CGAS: variants seen among roughly 807,000 people sequenced by gnomAD.
The protein encoded by CGAS is 2'3'-cGAMP synthase.
A neutral mutation model predicts 34.0 loss-of-function variants in CGAS; 31 were observed. The ratio of observed to expected loss-of-function variants is 0.91; its 90% CI spans 0.69 to 1.23. The LOEUF is 1.23. Ranked by LOEUF, CGAS falls within the 50% of genes most tolerant of loss-of-function variation. The pLI, the probability that CGAS is intolerant of heterozygous loss-of-function variation, is 0.00. For synonymous variants in CGAS, 266 were observed against 260.0 expected (o/e 1.02, Z -0.22); for missense variants, 597 against 657.6 (o/e 0.91, Z 1.01).
chr6:73,443,429 G>A lies in CGAS; in HGVS notation c.877+2099C>T, dbSNP rs189636497. On this transcript the variant is annotated intron_variant, in intron 2 of 4. Coordinates refer to ENST00000370315, the MANE Select transcript of CGAS (RefSeq NM_138441.3). The stretch of plus-strand genomic sequence containing the variant: ...AGTTTTTTGTATTTTTAGTCAAGAC[G>A]GGGTTTCACCATCTTGGCCAGGCTG... Among the ~76,000 whole-genome samples the A allele has an allele frequency of 8.5e-4, 129 of 151,756 alleles. 1 individual carries two copies. The highest frequency in any genetic ancestry group is 1.4e-3 in the East Asian group (7 of 5,130).
At chr6:73,442,733 T>C (rs569605770) in intron 2 of CGAS, among the ~76,000 whole-genome samples, 8 of 151,692 alleles carry the variant, frequency 5.3e-5, no homozygotes, top group African/African-American at 1.9e-4. Context: ...TGAGTAGCTA[T>C]GATTATAGGT....
chr6:73,433,254 C>T (rs1770222280), intron 3 of CGAS, among the ~76,000 whole-genome samples: 1 of 150,922 alleles, frequency 6.6e-6, no homozygotes, highest in Non-Finnish European at 1.5e-5. Context: ...CATATCAACT[C>T]TCTCCCATGT....
chr6:73,440,344 T>A lies in CGAS; in HGVS notation c.979A>T (p.Lys327Ter). The stretch of plus-strand genomic sequence containing the variant: ...TGGGTGCTAGCAGGCCAGCTACTTT[T>A]TGATTCCAAAGCCAGGGTTATATCC... Reference protein sequence around the residue: ...SVDITLALESKSSWPASTQEG... With the variant: ...SVDITLALES The change falls in exon 3 of 5, where the codon AAA becomes TAA. Residue 327 changes from lysine to a stop codon, truncating the protein, a stop_gained. Coordinates refer to ENST00000370315, the MANE Select transcript of CGAS (RefSeq NM_138441.3). LOFTEE classifies it high-confidence loss of function. 2.5e-6 allele frequency: 4 copies of A among 1,614,228 alleles called. No individual in the cohort carries two copies. Among genetic ancestry groups the A allele is most frequent in the Non-Finnish European group, 3.4e-6 (4 of 1,180,036 alleles).
chr6:73,437,084 G>A (rs529693462), intron 3 of CGAS, among the ~76,000 whole-genome samples: 57 of 152,136 alleles, frequency 3.7e-4, no homozygotes, highest in Non-Finnish European at 8.8e-5. Flanking sequence ...CCTGGGAGGC[G>A]AAGGCTGCAG....
intron 1 of CGAS, among the ~76,000 whole-genome samples, chr6:73,449,476 A>AACACACACACACACACAC (rs144519687): frequency 0.018 from 2,536 of 142,842 alleles, 66 homozygotes; most frequent in East Asian, 0.1. Flanking sequence ...CTCTGTCTCA[A>AACACACACACACACACAC]ACACACACAC....
At chr6:73,426,738 CATT>C (rs1770095627) in intron 4 of CGAS, among the ~76,000 whole-genome samples, 1 of 151,958 alleles carries the variant, frequency 6.6e-6, no homozygotes, top group South Asian at 2.1e-4. Context: ...GAATTATTTA[CATT>C]ATTAAGAGTA....
At position 73,425,058 on chromosome 6, in the gene CGAS, T is replaced by C. The variant is rs951590187; in HGVS notation, c.*169A>G. The C allele has an allele frequency of 9.5e-5, 44 of 462,588 alleles. No homozygotes were observed. The highest frequency in any genetic ancestry group is 1.4e-4 in the Non-Finnish European group (38 of 264,484). The allele number at this position is 462,588 out of a possible 1,614,324, so 28.7% of individuals were successfully genotyped here. On this transcript the variant is annotated 3_prime_UTR_variant, in exon 5 of 5. Coordinates refer to ENST00000370315, the MANE Select transcript of CGAS (RefSeq NM_138441.3). ...TAGTAGAGATGGAGTTTCACCATGT[T>C]GGTCAGGCTGGTCTCAAACTCCTGA...
intron 4 of CGAS, among the ~76,000 whole-genome samples, 153 bp from the exon 5 acceptor site, chr6:73,425,731 T>C (rs1303070978): frequency 6.6e-6 from 1 of 152,156 alleles, no homozygotes; most frequent in Admixed American, 6.5e-5. Flanking sequence ...TCCCAGCACT[T>C]TGGGAGGCTG....
intron 2 of CGAS, among the ~76,000 whole-genome samples, chr6:73,441,590 A>G (rs943415115): frequency 3.9e-5 from 6 of 152,114 alleles, no homozygotes; most frequent in Non-Finnish European, 1.5e-5. Flanking sequence ...GGAAGAAGAA[A>G]GATTGGGCCA....
chr6:73,433,735 C>G (rs961186061), intron 3 of CGAS, among the ~76,000 whole-genome samples: 16 of 151,922 alleles, frequency 1.1e-4, no homozygotes, highest in Admixed American at 4.6e-4. Flanking sequence ...AATCCACTCA[C>G]CTTGGCCTTC....
intron 2 of CGAS, among the ~76,000 whole-genome samples, chr6:73,443,640 T>C (rs1301808796): frequency 6.6e-6 from 1 of 152,248 alleles, no homozygotes; most frequent in Non-Finnish European, 1.5e-5. Flanking sequence ...CACTTTGCTA[T>C]ACTTCTTCAC....
chr6:73,434,447 T>C lies in CGAS; in HGVS notation c.1115-5636A>G, dbSNP rs894363801. On this transcript the variant is annotated intron_variant, in intron 3 of 4. Transcript: ENST00000370315. The stretch of plus-strand genomic sequence containing the variant: ...CAAACCAATAACTCTGATCTAATCA[T>C]AAGAAACATAATAAAGAAATCTCAA... Among the ~76,000 whole-genome samples the C allele has an allele frequency of 2.0e-5, 3 of 152,042 alleles. No individual in the cohort carries two copies. The East Asian group carries it at 5.8e-4, about 29-fold the overall frequency.
chr6:73,449,509 A>ACACACACACAC (rs1554239200), intron 1 of CGAS, among the ~76,000 whole-genome samples: 5 of 119,482 alleles, frequency 4.2e-5, no homozygotes, highest in South Asian at 3.0e-4. Context: ...ACACACACAC[A>ACACACACACAC]AAGTGGTTCT....
chr6:73,444,798 G>T (rs575457457), intron 2 of CGAS, among the ~76,000 whole-genome samples: 9 of 152,172 alleles, frequency 5.9e-5, no homozygotes, highest in Non-Finnish European at 1.0e-4. Context: ...GGTGGGAGTA[G>T]GGTGCTGGGA....
intron 4 of CGAS, among the ~76,000 whole-genome samples, chr6:73,426,859 C>CA (rs930014474): frequency 9.0e-5 from 13 of 144,580 alleles, no homozygotes; most frequent in African/African-American, 3.3e-4. Context: ...TTTCTTTTTC[C>CA]TTTTTTTTTG....
chr6:73,451,835 G>T lies in CGAS; in HGVS notation c.347C>A (p.Ser116Tyr). Reference protein sequence around the residue: ...EPPAAREPALSRAGSCRQRGA... With the variant: ...EPPAAREPALYRAGSCRQRGA... ...CCTCTGGCGGCAAGAACCAGCCCTGGAAAGAGCCGGCTCCCGAGCCGCAGG... is the reference window on the plus strand; with the variant it reads ...CCTCTGGCGGCAAGAACCAGCCCTGTAAAGAGCCGGCTCCCGAGCCGCAGG... Residue 116 changes from serine (S) to tyrosine (Y), a missense_variant, in exon 1 of 5, where the codon TCC becomes TAC. This residue lies in a region of CGAS where 321 missense variants were observed against 314.3 expected (regional missense o/e 1.02). Coordinates refer to ENST00000370315, the MANE Select transcript of CGAS (RefSeq NM_138441.3). The T allele has an allele frequency of 1.3e-6, 2 of 1,552,182 alleles. No homozygotes were observed. The highest frequency in any genetic ancestry group is 1.7e-6 in the Non-Finnish European group (2 of 1,148,586).
rs311680 is a variant in CGAS at position 73,424,476 on chromosome 6, C to T, written c.*751G>A. On this transcript the variant is annotated 3_prime_UTR_variant, in exon 5 of 5. Coordinates refer to ENST00000370315, the MANE Select transcript of CGAS (RefSeq NM_138441.3). ...TTATGTATTTCCTGGCCAGGCACGG[C>T]GGAGAGCTGTTTTTCAGTAAGAACT... 0.88 allele frequency: 134,053 copies of T among 151,694 alleles called. 59,272 individuals carry two copies. Among genetic ancestry groups the T allele is most frequent in the East Asian group, 0.93 (4,835 of 5,188 alleles). The allele number at this position is 151,694 out of a possible 1,614,324, so 9.4% of individuals were successfully genotyped here.
Position 73,439,974 on chromosome 6 carries a change from A to C in CGAS, c.1114+235T>G. 6.5e-6 allele frequency: 3 copies of C among 462,150 alleles called. No individual in the cohort carries two copies. The South Asian group carries it at 8.9e-5, about 14-fold the overall frequency. 28.6% of individuals were successfully genotyped at this position (462,150 alleles called of 1,614,324 possible). A position where few individuals can be genotyped will look rare whatever the true frequency, so the allele number is the denominator to read the frequency against. ...ACTGCTTTTCTTTACCGAAAAAAAT[A>C]AAATAAAATTCAAATATGGATTGCT... is the stretch of plus-strand genomic sequence containing the variant. On this transcript the variant is annotated intron_variant, in intron 3 of 4. Transcript: ENST00000370315.
Position 73,445,624 on chromosome 6 carries a change from G to T in CGAS, c.781C>A (p.Pro261Thr), listed in dbSNP as rs1440957546. 1 of 1,612,278 alleles carries T rather than the reference G, an allele frequency of 6.2e-7. No homozygotes were observed. Among genetic ancestry groups the T allele is most frequent in the Non-Finnish European group, 8.5e-7 (1 of 1,179,206 alleles). The part of the protein sequence containing the change: ...VKFKRNPKEN[P>T]LSQFLEGEIL... Reference sequence around the variant, plus strand: ...TCACCTTCTAAAAACTGACTCAGAGGATTTTCTTTCGGATTTCTTTTAAAT... The same window carrying T: ...TCACCTTCTAAAAACTGACTCAGAGTATTTTCTTTCGGATTTCTTTTAAAT... The change falls in exon 2 of 5, where the codon CCT becomes ACT. Residue 261 changes from proline (P) to threonine (T), a missense_variant. Physicochemically the swap from Pro to Thr is conservative, Grantham distance 38. Transcript: ENST00000370315.
Sources: gnomAD v4.1 joint callset for allele counts (sites outside exome capture counted in the v4.1 genomes callset) on GRCh38, gnomAD v4.1.1 for gene constraint, gnomAD v4.1.1 regional missense constraint, MANE v1.5 for transcripts, NCBI Gene and HGNC (gene_info 2026-07-23, HGNC 2026-07-21) for gene names.